Variants in DUSP22 observed in about 807,000 individuals in gnomAD.
DUSP22 encodes dual specificity phosphatase 22.
DUSP22 carries 24 observed loss-of-function variants against 24.5 expected under a neutral mutation model. The ratio of observed to expected loss-of-function variants is 0.98; its 90% confidence interval spans 0.71 to 1.38. The LOEUF is 1.38. Ranked by LOEUF, DUSP22 falls within the 40% of genes most tolerant of loss-of-function variation. The pLI is 0.00. For missense variants in DUSP22, 330 were observed against 269.2 expected (o/e 1.23, Z -1.58); for synonymous variants, 160 against 106.4 (o/e 1.50, Z -3.10).
chr6:334,052 T>G (rs1759259548), intron 3 of DUSP22, among the ~76,000 whole-genome samples: 1 of 152,310 alleles, frequency 6.6e-6, no homozygotes, highest in South Asian at 2.1e-4. Context: ...AAAGTTTAAT[T>G]AAAAATGCAG....
At chr6:313,601 C>T (rs1328807494) in intron 3 of DUSP22, among the ~76,000 whole-genome samples, 1 of 152,306 alleles carries the variant, frequency 6.6e-6, no homozygotes, top group African/African-American at 2.4e-5. Flanking sequence ...AGAAGTGCTA[C>T]CCCTTTTCTT....
chr6:311,626 G>A (rs1220658454), intron 2 of DUSP22, among the ~76,000 whole-genome samples: 1 of 152,276 alleles, frequency 6.6e-6, no homozygotes, highest in Non-Finnish European at 1.5e-5. Flanking sequence ...CTTGCAGTGA[G>A]CCGAGATGGC....
intron 3 of DUSP22, among the ~76,000 whole-genome samples, chr6:317,630 T>C (rs1319794551): frequency 2.0e-5 from 3 of 152,306 alleles, no homozygotes; most frequent in African/African-American, 7.2e-5. Context: ...CCTGCTTCTG[T>C]AGGATATTAA....
intron 1 of DUSP22, among the ~76,000 whole-genome samples, chr6:294,451 C>G (rs1345951974): frequency 6.6e-6 from 1 of 152,236 alleles, no homozygotes; most frequent in Non-Finnish European, 1.5e-5. Flanking sequence ...ATGATGCGAG[C>G]TATATATGTA....
Position 348,771 on chromosome 6 carries a change from T to A in DUSP22, c.438T>A (p.Tyr146Ter). 1 of 1,614,296 alleles carries A rather than the reference T, an allele frequency of 6.2e-7. No homozygotes were observed. The highest frequency in any genetic ancestry group is 8.5e-7 in the Non-Finnish European group (1 of 1,180,050). ...QEFEKHEVHQ[Y>*]RQWLKEEYGE... ...GGGTTTGTTTCCATCCTCTCCAGTATCGGCAGTGGCTGAAGGAAGAATATG... is the reference window on the plus strand; with the variant it reads ...GGGTTTGTTTCCATCCTCTCCAGTAACGGCAGTGGCTGAAGGAAGAATATG... Residue 146 changes from tyrosine (Y) to a stop codon, truncating the protein, a stop_gained and splice_region_variant, in exon 7 of 7, where the codon TAT becomes TAA. Coordinates refer to ENST00000419235, the MANE Select transcript of DUSP22 (RefSeq NM_001286555.3). LOFTEE classifies it high-confidence loss of function.
In DUSP22 at chr6:350,792, T is replaced by C. The variant is rs970557554; in HGVS notation, c.*1841T>C. The C allele has an allele frequency of 1.2e-6, 2 of 1,614,118 alleles. No individual in the cohort carries two copies. The highest frequency in any genetic ancestry group is 2.7e-5 in the African/African-American group (2 of 74,968). On this transcript the variant is annotated 3_prime_UTR_variant, in exon 7 of 7. Transcript: ENST00000419235. ...GAGTTCTTGAAATGTTGTTTTAATA[T>C]TTGTTGCCAGTAATGTTCTTTCTTC... is the stretch of plus-strand genomic sequence containing the variant.
intron 4 of DUSP22, among the ~76,000 whole-genome samples, chr6:339,848 A>G (rs1425460280): frequency 6.6e-6 from 1 of 152,252 alleles, no homozygotes; most frequent in Non-Finnish European, 1.5e-5. Context: ...TTTTTCTTTT[A>G]TTTTATTATA....
At chr6:321,763 C>A (rs1261990756) in intron 3 of DUSP22, among the ~76,000 whole-genome samples, 4 of 152,304 alleles carry the variant, frequency 2.6e-5, no homozygotes, top group African/African-American at 9.6e-5. Flanking sequence ...TGAGAAGTTA[C>A]AACAGCCATA....
chr6:342,621 A>G (rs1353224195), intron 4 of DUSP22, among the ~76,000 whole-genome samples: 2 of 152,310 alleles, frequency 1.3e-5, no homozygotes, highest in South Asian at 2.1e-4. Context: ...GAATTTGGCC[A>G]TGAGTGGCAG....
chr6:309,690 A>G (rs1757978411), intron 2 of DUSP22, among the ~76,000 whole-genome samples: 1 of 72,088 alleles, frequency 1.4e-5, no homozygotes, highest in Non-Finnish European at 3.6e-5. Context: ...ACACACACAC[A>G]CACACACACA....
intron 6 of DUSP22, 83 bp downstream of exon 6, chr6:348,357 C>T: frequency 6.3e-7 from 1 of 1,582,080 alleles, no homozygotes; most frequent in Non-Finnish European, 8.6e-7. Flanking sequence ...CAGCCAGCAT[C>T]ATGGCGTTTG....
chr6:311,673 C>G (rs1283663822), intron 2 of DUSP22, among the ~76,000 whole-genome samples: 3 of 124,932 alleles, frequency 2.4e-5, no homozygotes, highest in African/African-American at 5.9e-5. Flanking sequence ...GAGTGAGACT[C>G]CGTCTCAAAA....
At chr6:337,679 T>C (rs1376793140) in intron 4 of DUSP22, among the ~76,000 whole-genome samples, 1 of 152,302 alleles carries the variant, frequency 6.6e-6, no homozygotes, top group Non-Finnish European at 1.5e-5. Flanking sequence ...GTTACATGGA[T>C]ATAAGGCTTA....
rs577989562 is a variant in DUSP22 at position 348,040 on chromosome 6, A to G, written c.264-63A>G. ...CCTTAGAGTCCCCCGCTCCACATGG[A>G]TTGGGCGATGAACCCGGAGATCTGA... is the stretch of plus-strand genomic sequence containing the variant. On this transcript the variant is annotated intron_variant, in intron 5 of 6. Transcript: ENST00000419235. The G allele has an allele frequency of 3.3e-5, 52 of 1,599,740 alleles. No homozygotes were observed. The African/African-American group carries it at 4.8e-4, about 15-fold the overall frequency.
At chr6:296,297 T>C (rs1190818790) in intron 1 of DUSP22, among the ~76,000 whole-genome samples, 3 of 152,304 alleles carry the variant, frequency 2.0e-5, no homozygotes, top group African/African-American at 7.2e-5. Context: ...CTTTACCACA[T>C]AGAGTAAGCC....
chr6:305,882 T>A (rs1390354562), intron 2 of DUSP22, among the ~76,000 whole-genome samples: 1 of 152,312 alleles, frequency 6.6e-6, no homozygotes, highest in African/African-American at 2.4e-5. Context: ...GCTTTCTGGA[T>A]GTTGCTGAAA....
Position 350,844 on chromosome 6 carries a change from C to A in DUSP22, c.*1893C>A, listed in dbSNP as rs1760171055. 1.2e-6 allele frequency: 2 copies of A among 1,614,288 alleles called. No individual in the cohort carries two copies. Among genetic ancestry groups the A allele is most frequent in the Non-Finnish European group, 1.7e-6 (2 of 1,180,040 alleles). Reference sequence around the variant, plus strand: ...CAGCCGCTCCGGGAATTCTGAAGTTCTGGGCCTTTCTCAGAAGACTGTAAT... The same window carrying A: ...CAGCCGCTCCGGGAATTCTGAAGTTATGGGCCTTTCTCAGAAGACTGTAAT... On this transcript the variant is annotated 3_prime_UTR_variant, in exon 7 of 7. Coordinates refer to ENST00000419235, the MANE Select transcript of DUSP22 (RefSeq NM_001286555.3).
At chr6:327,802 C>T (rs1342329787) in intron 3 of DUSP22, among the ~76,000 whole-genome samples, 1 of 152,294 alleles carries the variant, frequency 6.6e-6, no homozygotes, top group Non-Finnish European at 1.5e-5. Context: ...ACCACAGGGA[C>T]TTGGCAGGAT....
At chr6:339,163 C>T (rs1170369079) in intron 4 of DUSP22, among the ~76,000 whole-genome samples, 1 of 152,308 alleles carries the variant, frequency 6.6e-6, no homozygotes, top group Non-Finnish European at 1.5e-5. Flanking sequence ...GAGTTTGTAT[C>T]AAATGCACAC....
Sources: allele counts gnomAD v4.1 joint callset (sites outside exome capture counted in the v4.1 genomes callset), GRCh38; gene constraint gnomAD v4.1.1; transcripts MANE v1.5; gene names NCBI Gene and HGNC (gene_info 2026-07-23, HGNC 2026-07-21).